MACROD1: variants seen among roughly 807,000 people sequenced by gnomAD.
The protein encoded by MACROD1 is mono-ADP ribosylhydrolase 1, also known as ADP-ribose glycohydrolase MACROD1.
In MACROD1, 31 loss-of-function variants were observed where a neutral mutation model predicts 41.4. The ratio of observed to expected loss-of-function variants is 0.75; its 90% CI spans 0.56 to 1.01. The LOEUF (loss-of-function observed/expected upper bound fraction) is 1.01. Ranked by LOEUF, MACROD1 falls within the 50% of genes least tolerant of loss-of-function variation. The pLI, the probability that MACROD1 is intolerant of heterozygous loss-of-function variation, is 0.00. For missense variants in MACROD1, 473 were observed against 460.0 expected, an observed-to-expected ratio of 1.03 and a Z score of -0.26; for synonymous variants, 252 against 203.4, an observed-to-expected ratio of 1.24 and a Z score of -2.03.
At chr11:64,060,080 A>T (rs1943869344) in intron 3 of MACROD1, among the ~76,000 whole-genome samples, 1 of 152,242 alleles carries the variant, frequency 6.6e-6, no homozygotes, top group South Asian at 2.1e-4. Flanking sequence ...AGACCAATTA[A>T]GCTGCCAATA....
chr11:64,164,295 G>A (rs1017135615), intron 1 of MACROD1, among the ~76,000 whole-genome samples: 11 of 152,240 alleles, frequency 7.2e-5, no homozygotes, highest in African/African-American at 2.7e-4. Flanking sequence ...AGGAACCCCA[G>A]CCCCATCACA....
intron 3 of MACROD1, among the ~76,000 whole-genome samples, chr11:64,070,521 G>C (rs1944087559): frequency 6.6e-6 from 1 of 152,196 alleles, no homozygotes; most frequent in Non-Finnish European, 1.5e-5. Context: ...CCATGGGAAG[G>C]CTGCCCGAGA....
In MACROD1 at chr11:64,163,061, C is replaced by T. The variant is rs1425066796; in HGVS notation, c.298+2636G>A. 3.3e-5 allele frequency among the ~76,000 whole-genome samples: 5 copies of T among 152,236 alleles called. No homozygotes were observed. The East Asian group carries it at 9.6e-4, about 29-fold the overall frequency. ...ACTTGAACCCCGGAGGCGGAGGTTGCAGTGAGCTGAGATCACACCACTGCA... is the reference window on the plus strand; with the variant it reads ...ACTTGAACCCCGGAGGCGGAGGTTGTAGTGAGCTGAGATCACACCACTGCA... On this transcript the variant is annotated intron_variant, in intron 1 of 10. Coordinates refer to ENST00000255681, the MANE Select transcript of MACROD1 (RefSeq NM_014067.4).
At chr11:64,133,186 G>C (rs544710554) in intron 3 of MACROD1, among the ~76,000 whole-genome samples, 1 of 152,316 alleles carries the variant, frequency 6.6e-6, no homozygotes, top group East Asian at 1.9e-4. Context: ...CTATGCCCCT[G>C]CTGCCCCGCT....
intron 3 of MACROD1, among the ~76,000 whole-genome samples, chr11:64,147,265 T>G (rs1823739671): frequency 6.6e-6 from 1 of 151,782 alleles, no homozygotes; most frequent in Admixed American, 6.6e-5. Context: ...AGAGATAGGG[T>G]GCCACTGTGT....
chr11:64,113,824 A>G (rs1944909768), intron 3 of MACROD1, among the ~76,000 whole-genome samples: 1 of 140,774 alleles, frequency 7.1e-6, no homozygotes, highest in Non-Finnish European at 1.5e-5. Flanking sequence ...AGGTGGACGC[A>G]TGGATGGATG....
chr11:64,118,256 C>A (rs1462138707), intron 3 of MACROD1: 1 of 1,598,034 alleles, frequency 6.3e-7, no homozygotes, highest in Non-Finnish European at 8.6e-7. Context: ...GCTACCGGGA[C>A]GGCGGCATCC....
intron 3 of MACROD1, among the ~76,000 whole-genome samples, chr11:64,080,655 C>T (rs1190371267): frequency 6.6e-6 from 1 of 152,194 alleles, no homozygotes; most frequent in African/African-American, 2.4e-5. Context: ...AGCCTCCCCT[C>T]CCTGCATCCA....
intron 3 of MACROD1, 143 bp from the exon 4 acceptor site, chr11:64,015,424 G>C: frequency 1.5e-6 from 1 of 668,650 alleles, no homozygotes; most frequent in Non-Finnish European, 2.5e-6. Context: ...CCAGTCCTCC[G>C]GGGCGGTAGT....
intron 3 of MACROD1, among the ~76,000 whole-genome samples, chr11:64,135,975 G>A (rs1340383009): frequency 6.6e-6 from 1 of 152,212 alleles, no homozygotes; most frequent in African/African-American, 2.4e-5. Context: ...GCCAGCGCAG[G>A]GGATGGCCCA....
chr11:64,139,995 T>C (rs1266521314), intron 3 of MACROD1, among the ~76,000 whole-genome samples: 1 of 150,032 alleles, frequency 6.7e-6, no homozygotes, highest in Non-Finnish European at 1.5e-5. Flanking sequence ...TTGCCCAACA[T>C]AGTGGAGGAA....
At chr11:64,030,622 C>T (rs1247969635) in intron 3 of MACROD1, among the ~76,000 whole-genome samples, 3 of 152,150 alleles carry the variant, frequency 2.0e-5, no homozygotes, top group East Asian at 1.9e-4. Context: ...CAGCCACACC[C>T]GGATCTTAGA....
chr11:64,152,199 C>T, intron 2 of MACROD1, 93 bp downstream of exon 2: 1 of 973,182 alleles, frequency 1.0e-6, no homozygotes, highest in Non-Finnish European at 1.7e-6. Flanking sequence ...GCACTCGATA[C>T]ATGCCACTGG....
chr11:64,113,855 G>T (rs995318661), intron 3 of MACROD1, among the ~76,000 whole-genome samples: 3 of 146,440 alleles, frequency 2.0e-5, no homozygotes, highest in Admixed American at 6.9e-5. Flanking sequence ...TGGACAGCTG[G>T]ATGTATGGAT....
chr11:64,069,260 G>A (rs1256987724), intron 3 of MACROD1, among the ~76,000 whole-genome samples: 1 of 152,242 alleles, frequency 6.6e-6, no homozygotes, highest in Non-Finnish European at 1.5e-5. Flanking sequence ...ACCTGACACC[G>A]GAGACAGCTC....
intron 3 of MACROD1, among the ~76,000 whole-genome samples, chr11:64,093,044 G>A (rs966759991): frequency 2.0e-5 from 3 of 152,186 alleles, no homozygotes; most frequent in Non-Finnish European, 4.4e-5. Flanking sequence ...GACCCGGAGT[G>A]GAGAGAGGAG....
At chr11:64,014,631 G>C (rs1328453544) in intron 4 of MACROD1, among the ~76,000 whole-genome samples, 1 of 152,204 alleles carries the variant, frequency 6.6e-6, no homozygotes. Flanking sequence ...GTCTGCCCTA[G>C]GTGGGCTGGC....
intron 3 of MACROD1, among the ~76,000 whole-genome samples, chr11:64,149,314 C>T (rs1012000275): frequency 6.6e-6 from 1 of 152,158 alleles, no homozygotes; most frequent in African/African-American, 2.4e-5. Flanking sequence ...CTTCACCACC[C>T]TCATTTTGCA....
At chr11:64,138,182 T>C (rs1345050959) in intron 3 of MACROD1, among the ~76,000 whole-genome samples, 1 of 152,154 alleles carries the variant, frequency 6.6e-6, no homozygotes, top group African/African-American at 2.4e-5. Flanking sequence ...CCCTGTCCCA[T>C]GCGCACCGGA....
Sources: allele counts gnomAD v4.1 joint callset (sites outside exome capture counted in the v4.1 genomes callset), GRCh38; gene constraint gnomAD v4.1.1; transcripts MANE v1.5; gene names NCBI Gene and HGNC (gene_info 2026-07-23, HGNC 2026-07-21).